The following SPAG16 variants were observed in gnomAD, a reference collection of about 807,000 sequenced individuals.
SPAG16 encodes sperm-associated antigen 16 protein.
A neutral mutation model predicts 80.4 loss-of-function variants in SPAG16; 86 were observed. That is an observed-to-expected ratio of 1.07 (90% CI 0.90 to 1.28). SPAG16 has a LOEUF of 1.28. Ranked by LOEUF, SPAG16 falls within the 50% of genes most tolerant of loss-of-function variation. The pLI is 0.00. For missense variants in SPAG16, 870 were observed against 765.3 expected (o/e 1.14, Z -1.61); for synonymous variants, 294 against 265.9 (o/e 1.11, Z -1.03).
At chr2:213,837,546 A>T (rs1001583189) in intron 10 of SPAG16, among the ~76,000 whole-genome samples, 1 of 152,262 alleles carries the variant, frequency 6.6e-6, no homozygotes, top group African/African-American at 2.4e-5. Flanking sequence ...CTATTTTGCA[A>T]CTAAGACATC....
At chr2:214,356,495 C>T (rs1698813255) in intron 15 of SPAG16, among the ~76,000 whole-genome samples, 1 of 151,876 alleles carries the variant, frequency 6.6e-6, no homozygotes, top group South Asian at 2.1e-4. Flanking sequence ...ACTATGTATA[C>T]AGTACTTGCA....
intron 13 of SPAG16, among the ~76,000 whole-genome samples, chr2:214,083,227 A>C (rs2051501046): frequency 6.6e-6 from 1 of 152,146 alleles, no homozygotes. Context: ...AGAATACTTG[A>C]GACCTCTTGT....
intron 10 of SPAG16, among the ~76,000 whole-genome samples, chr2:213,556,618 G>GA (rs2059434695): frequency 6.6e-6 from 1 of 152,080 alleles, no homozygotes; most frequent in Non-Finnish European, 1.5e-5. Flanking sequence ...GATCTGGAGA[G>GA]AAAGAGGCTG....
At chr2:214,300,418 C>T (rs982013253) in intron 15 of SPAG16, among the ~76,000 whole-genome samples, 1 of 152,044 alleles carries the variant, frequency 6.6e-6, no homozygotes, top group Admixed American at 6.5e-5. Context: ...AACACATAAG[C>T]TTTTTAATGA....
At chr2:214,142,970 T>C (rs1409793304) in intron 14 of SPAG16, among the ~76,000 whole-genome samples, 1 of 152,148 alleles carries the variant, frequency 6.6e-6, no homozygotes, top group African/African-American at 2.4e-5. Context: ...ATTTTGTGTT[T>C]CTGTTCTGTT....
At chr2:213,871,339 A>G (rs1427356) in intron 11 of SPAG16, among the ~76,000 whole-genome samples, 90,126 of 151,656 alleles carry the variant, frequency 0.59, 28,653 homozygotes, top group South Asian at 0.85. Context: ...GAACACAGGA[A>G]CTTAACCAAA....
chr2:213,352,408 T>C (rs1322973493), intron 7 of SPAG16, among the ~76,000 whole-genome samples: 1 of 152,202 alleles, frequency 6.6e-6, no homozygotes, highest in Non-Finnish European at 1.5e-5. Context: ...AGGAGCTAGA[T>C]TCAGATCTCT....
chr2:213,988,654 G>A (rs947976275), intron 12 of SPAG16, among the ~76,000 whole-genome samples: 1 of 151,076 alleles, frequency 6.6e-6, no homozygotes, highest in African/African-American at 2.4e-5. Context: ...ATGCACAATT[G>A]TACCAACATT....
intron 5 of SPAG16, among the ~76,000 whole-genome samples, chr2:213,335,835 A>T (rs533125121): frequency 1.1e-3 from 175 of 152,198 alleles, no homozygotes; most frequent in African/African-American, 4.0e-3. Flanking sequence ...GTAAAATAAC[A>T]GTAGAGGTCA....
At chr2:213,751,563 T>TCC (rs1436599606) in intron 10 of SPAG16, among the ~76,000 whole-genome samples, 9 of 152,298 alleles carry the variant, frequency 5.9e-5, no homozygotes, top group East Asian at 5.8e-4. Flanking sequence ...AGTCTTACCG[T>TCC]CAGCCTCCTG....
At chr2:213,300,734 A>T (rs1319134039) in intron 3 of SPAG16, among the ~76,000 whole-genome samples, 3 of 152,170 alleles carry the variant, frequency 2.0e-5, no homozygotes, top group African/African-American at 7.2e-5. Context: ...TAAAGTAAAT[A>T]AATGAATATT....
intron 10 of SPAG16, among the ~76,000 whole-genome samples, chr2:213,677,080 G>C (rs1318150122): frequency 6.6e-6 from 1 of 152,036 alleles, no homozygotes; most frequent in East Asian, 1.9e-4. Flanking sequence ...GGTCTATTCA[G>C]AGATTCAACT....
intron 11 of SPAG16, among the ~76,000 whole-genome samples, chr2:213,881,949 G>A (rs1314751970): frequency 1.3e-5 from 2 of 152,122 alleles, no homozygotes; most frequent in Non-Finnish European, 2.9e-5. Flanking sequence ...TGTCTATTCA[G>A]TATGAGGTTG....
At chr2:214,273,388 T>A (rs939223871) in intron 15 of SPAG16, among the ~76,000 whole-genome samples, 4 of 152,150 alleles carry the variant, frequency 2.6e-5, no homozygotes, top group Non-Finnish European at 5.9e-5. Flanking sequence ...CTGAATGGTA[T>A]TGCCTAGGTT....
intron 13 of SPAG16, among the ~76,000 whole-genome samples, chr2:214,055,876 A>G (rs2049912419): frequency 6.6e-6 from 1 of 152,202 alleles, no homozygotes; most frequent in African/African-American, 2.4e-5. Context: ...ATAACCATGC[A>G]ATCATTTATG....
intron 10 of SPAG16, among the ~76,000 whole-genome samples, chr2:213,630,264 A>T (rs1195863159): frequency 1.3e-5 from 2 of 152,054 alleles, no homozygotes; most frequent in East Asian, 1.9e-4. Context: ...GATGCCTGCA[A>T]TCCGAGCTAC....
At chr2:213,366,641 C>G (rs2066306351) in intron 8 of SPAG16, among the ~76,000 whole-genome samples, 1 of 152,098 alleles carries the variant, frequency 6.6e-6, no homozygotes, top group Admixed American at 6.6e-5. Context: ...CAAATACCTC[C>G]CACCTGGTCC....
chr2:214,308,016 G>A (rs1344105740), intron 15 of SPAG16, among the ~76,000 whole-genome samples: 3 of 152,116 alleles, frequency 2.0e-5, no homozygotes, highest in Non-Finnish European at 4.4e-5. Flanking sequence ...TACTGTATGG[G>A]AGTCTATGTC....
At chr2:213,901,868 C>A (rs150018688) in intron 11 of SPAG16, among the ~76,000 whole-genome samples, 194 of 152,198 alleles carry the variant, frequency 1.3e-3, no homozygotes, top group African/African-American at 4.4e-3. Flanking sequence ...GTTAAAAAAT[C>A]ATTCTGAATA....
Sources: allele counts gnomAD v4.1 joint callset (sites outside exome capture counted in the v4.1 genomes callset), GRCh38; gene constraint gnomAD v4.1.1; transcripts MANE v1.5; gene names NCBI Gene and HGNC (gene_info 2026-07-23, HGNC 2026-07-21).